The following IMMP2L variants were observed in gnomAD, a reference collection of about 807,000 sequenced individuals.
IMMP2L encodes inner mitochondrial membrane peptidase subunit 2, also known as mitochondrial inner membrane protease subunit 2.
IMMP2L carries 18 observed loss-of-function variants against 19.3 expected under a neutral mutation model. The ratio of observed to expected loss-of-function variants is 0.93; its 90% CI spans 0.64 to 1.38. IMMP2L has a LOEUF of 1.38. Among genes scored for constraint, IMMP2L ranks in the 40% most tolerant of loss-of-function variants. The pLI is 0.00. For missense variants in IMMP2L, 233 were observed against 218.2 expected (o/e 1.07, Z -0.43); for synonymous variants, 76 against 73.0 (o/e 1.04, Z -0.21).
At chr7:110,923,070 A>AAC (rs1275738529) in intron 4 of IMMP2L, among the ~76,000 whole-genome samples, 2 of 152,110 alleles carry the variant, frequency 1.3e-5, no homozygotes, top group African/African-American at 4.8e-5. Flanking sequence ...GGCATAAGCA[A>AAC]ACACATACTG....
At chr7:111,503,378 T>G (rs1844512463) in intron 2 of IMMP2L, among the ~76,000 whole-genome samples, 1 of 152,138 alleles carries the variant, frequency 6.6e-6, no homozygotes, top group South Asian at 2.1e-4. Context: ...CACAGCCGAA[T>G]TCTACCAGAG....
At chr7:111,128,280 T>C (rs1293896398) in intron 3 of IMMP2L, among the ~76,000 whole-genome samples, 1 of 152,192 alleles carries the variant, frequency 6.6e-6, no homozygotes, top group Non-Finnish European at 1.5e-5. Context: ...CTAGATTATA[T>C]TCTGGTTTAT....
intron 3 of IMMP2L, among the ~76,000 whole-genome samples, chr7:111,189,486 C>T (rs1403567811): frequency 6.6e-6 from 1 of 151,720 alleles, no homozygotes; most frequent in African/African-American, 2.4e-5. Context: ...TTCTCTACAG[C>T]TTTTTCTTTA....
chr7:110,712,781 G>C (rs1415990826), intron 5 of IMMP2L, among the ~76,000 whole-genome samples: 1 of 110,896 alleles, frequency 9.0e-6, no homozygotes, highest in Non-Finnish European at 1.9e-5. Context: ...TTCCAGGTGC[G>C]TCCGTCACCC....
chr7:110,877,073 T>TA lies in IMMP2L; in HGVS notation c.408+9519dup, dbSNP rs1809155310. On this transcript the variant is annotated intron_variant, in intron 5 of 5. Coordinates refer to ENST00000405709, the MANE Select transcript of IMMP2L (RefSeq NM_032549.4). This position sits in a 1 kb window ranked among gnomAD's most constrained non-coding sequence, Gnocchi z 4.0. Reference sequence around the variant, plus strand: ...TCTTGCAAGTACTTAACTCAGCCGTTACAGAGGGAAAGCAGCCATAGTCAA... The same window carrying TA: ...TCTTGCAAGTACTTAACTCAGCCGTTAACAGAGGGAAAGCAGCCATAGTCAA... Among the ~76,000 whole-genome samples, 1 of 152,166 alleles carries TA rather than the reference T, an allele frequency of 6.6e-6. No homozygotes were observed. The highest frequency in any genetic ancestry group is 2.1e-4 in the South Asian group (1 of 4,836).
intron 5 of IMMP2L, among the ~76,000 whole-genome samples, chr7:110,798,397 G>A (rs1323161919): frequency 6.6e-6 from 1 of 151,880 alleles, no homozygotes; most frequent in East Asian, 1.9e-4. Context: ...TTTGAAGGAA[G>A]AGAATATACC....
At chr7:111,328,305 A>G (rs1320082634) in intron 3 of IMMP2L, among the ~76,000 whole-genome samples, 2 of 151,800 alleles carry the variant, frequency 1.3e-5, no homozygotes, top group Non-Finnish European at 2.9e-5. Flanking sequence ...AATAATTTAA[A>G]CAATATGACT....
chr7:111,250,397 G>T (rs967744516), intron 3 of IMMP2L, among the ~76,000 whole-genome samples: 57 of 152,168 alleles, frequency 3.7e-4, no homozygotes, highest in South Asian at 6.2e-4. Context: ...AGAATTAGAA[G>T]AAACTATTTT....
chr7:111,488,406 G>A (rs1451032276), intron 2 of IMMP2L, among the ~76,000 whole-genome samples: 3 of 152,038 alleles, frequency 2.0e-5, no homozygotes, highest in African/African-American at 7.2e-5. Context: ...TCATAGCTTA[G>A]CTCCCACATA....
intron 3 of IMMP2L, among the ~76,000 whole-genome samples, chr7:111,104,592 A>G (rs906721100): frequency 6.6e-6 from 1 of 151,708 alleles, no homozygotes; most frequent in African/African-American, 2.4e-5. Context: ...TAAATAACAG[A>G]AAAGTCTCAT....
chr7:110,945,931 C>T (rs1195658422), intron 4 of IMMP2L, among the ~76,000 whole-genome samples: 1 of 152,062 alleles, frequency 6.6e-6, no homozygotes, highest in African/African-American at 2.4e-5. Flanking sequence ...AGTGGCAGCT[C>T]ACTTGAAGAC....
intron 3 of IMMP2L, among the ~76,000 whole-genome samples, chr7:111,243,594 C>T (rs28718332): frequency 7.4e-6 from 1 of 134,858 alleles, no homozygotes; most frequent in African/African-American, 2.8e-5. Context: ...TATACATGTG[C>T]CATGCTGGTG....
chr7:111,221,322 T>A (rs1371111349), intron 3 of IMMP2L, among the ~76,000 whole-genome samples: 3 of 152,106 alleles, frequency 2.0e-5, no homozygotes, highest in Non-Finnish European at 4.4e-5. Context: ...TGAAAAATTT[T>A]AAAAATATGT....
intron 4 of IMMP2L, among the ~76,000 whole-genome samples, chr7:110,919,305 CAG>C (rs1002639372): frequency 9.2e-5 from 14 of 152,120 alleles, no homozygotes; most frequent in Admixed American, 7.9e-4. Flanking sequence ...CCATAAGAGA[CAG>C]AAACTGGCAG....
At chr7:110,925,224 A>G (rs1421773570) in intron 4 of IMMP2L, among the ~76,000 whole-genome samples, 1 of 152,146 alleles carries the variant, frequency 6.6e-6, no homozygotes, top group Non-Finnish European at 1.5e-5. Flanking sequence ...CAGAAAATAA[A>G]CAGTTGAACA....
At chr7:111,099,920 T>C (rs531693232) in intron 3 of IMMP2L, 2 of 151,680 alleles carry the variant, frequency 1.3e-5, no homozygotes, top group South Asian at 4.2e-4. Context: ...GAGGAAGATG[T>C]TGGGCAACAT....
chr7:111,265,315 C>G (rs547581656), intron 3 of IMMP2L, among the ~76,000 whole-genome samples: 15 of 152,212 alleles, frequency 9.9e-5, no homozygotes, highest in Non-Finnish European at 1.9e-4. Flanking sequence ...TAAGCCTCAG[C>G]TGCACTTTCA....
In IMMP2L at chr7:111,012,544, A is replaced by G. The variant is rs191247470; in HGVS notation, c.240-48979T>C. ...CATAGGGGCAAATGAAACATAGTTG[A>G]TAAAGACACAATCCTGACTTTTAAA... On this transcript the variant is annotated intron_variant, in intron 3 of 5. Transcript: ENST00000405709. 9.9e-3 allele frequency among the ~76,000 whole-genome samples: 1,503 copies of G among 152,318 alleles called. 22 individuals are homozygous for G. The highest frequency in any genetic ancestry group is 0.033 in the African/African-American group (1,389 of 41,562).
chr7:110,670,978 A>G (rs1791880281), intron 5 of IMMP2L, among the ~76,000 whole-genome samples: 1 of 152,162 alleles, frequency 6.6e-6, no homozygotes, highest in Admixed American at 6.5e-5. Flanking sequence ...TGTCTCCTTC[A>G]ATGGATTCAC....
Sources: allele counts gnomAD v4.1 joint callset (sites outside exome capture counted in the v4.1 genomes callset), GRCh38; gene constraint gnomAD v4.1.1; non-coding constraint Gnocchi (gnomAD v3.1); transcripts MANE v1.5; gene names NCBI Gene and HGNC (gene_info 2026-07-23, HGNC 2026-07-21).